EXPH5: variants seen among roughly 807,000 people sequenced by gnomAD.
The protein encoded by EXPH5 is exophilin 5, also known as exophilin-5.
EXPH5 carries 42 observed loss-of-function variants against 41.1 expected under a neutral mutation model. That is an observed-to-expected ratio of 1.02 (90% CI 0.80 to 1.32). The LOEUF is 1.32. EXPH5 is among the 40% of genes most tolerant of loss of function. The pLI, the probability that EXPH5 is intolerant of heterozygous loss-of-function variation, is 0.00. For missense variants in EXPH5, 2,298 were observed against 2,314.5 expected, an observed-to-expected ratio of 0.99 and a Z score of 0.15; for synonymous variants, 798 against 833.5, an observed-to-expected ratio of 0.96 and a Z score of 0.73.
chr11:108,533,360 C>T (rs1257310150), intron 3 of EXPH5, among the ~76,000 whole-genome samples: 2 of 152,086 alleles, frequency 1.3e-5, no homozygotes, highest in Non-Finnish European at 2.9e-5. Context: ...CCTGCCACCA[C>T]ACCTGGCTAA....
intron 4 of EXPH5, among the ~76,000 whole-genome samples, chr11:108,525,011 C>T (rs2093788855): frequency 6.6e-6 from 1 of 152,122 alleles, no homozygotes; most frequent in Non-Finnish European, 1.5e-5. Context: ...GGGGCGGTTT[C>T]CCCCATACTG....
chr11:108,577,297 T>C (rs2094083036), intron 1 of EXPH5, among the ~76,000 whole-genome samples: 1 of 152,222 alleles, frequency 6.6e-6, no homozygotes, highest in African/African-American at 2.4e-5. Context: ...GTTCTATTTG[T>C]AGTTTTTTGA....
chr11:108,552,962 G>C (rs2093974007), intron 1 of EXPH5, among the ~76,000 whole-genome samples: 1 of 152,080 alleles, frequency 6.6e-6, no homozygotes, highest in Non-Finnish European at 1.5e-5. Context: ...TTGGGAGACC[G>C]AGGTGGGTGG....
At chr11:108,560,762 C>T (rs777625605) in intron 1 of EXPH5, among the ~76,000 whole-genome samples, 17 of 152,106 alleles carry the variant, frequency 1.1e-4, no homozygotes, top group South Asian at 1.0e-3. Context: ...GCAGTACAAA[C>T]GCAAGTGTCT....
chr11:108,551,667 C>A (rs907109995), intron 1 of EXPH5, among the ~76,000 whole-genome samples: 7 of 152,146 alleles, frequency 4.6e-5, no homozygotes, highest in African/African-American at 1.4e-4. Flanking sequence ...TCTCTGTCAA[C>A]CCTCCACTCC....
rs763793971 is a variant in EXPH5, at chr11:108,512,783, C to T, written c.2724G>A (p.Arg908=). 2.5e-6 allele frequency: 4 copies of T among 1,613,978 alleles called. No homozygotes were observed. The highest frequency in any genetic ancestry group is 3.4e-6 in the Non-Finnish European group (4 of 1,179,966). The change falls in exon 6 of 6, where the codon AGG becomes AGA. Residue 908 remains arginine (R), a synonymous_variant. Transcript: ENST00000265843. ...ATGGATCTTTGTCTGAAGGACTTCTCCTGGAGAACACTGTAGTAGATGGAA... is the reference window on the plus strand; with the variant it reads ...ATGGATCTTTGTCTGAAGGACTTCTTCTGGAGAACACTGTAGTAGATGGAA... ...PVVPSTTVFS[R]RSPSDKDPSL... is the part of the protein sequence containing the mutation.
intron 1 of EXPH5, among the ~76,000 whole-genome samples, chr11:108,576,007 C>G (rs2094078607): frequency 6.6e-6 from 1 of 152,044 alleles, no homozygotes; most frequent in African/African-American, 2.4e-5. Flanking sequence ...ATGGGGGTAA[C>G]AGTTTGACAA....
intron 1 of EXPH5, among the ~76,000 whole-genome samples, chr11:108,576,964 A>G (rs1214992109): frequency 1.3e-5 from 2 of 152,188 alleles, no homozygotes; most frequent in Admixed American, 1.3e-4. Flanking sequence ...GCTCCCATAT[A>G]TGAGTGAGAA....
Position 108,511,185 on chromosome 11 carries a change from C to A in EXPH5, c.4322G>T (p.Arg1441Ile). ...CCCTGTACACTCCCAAGAACTTCTT[C>A]TAGTTTGGGAATTTCCAATATTAAC... ...SEVNIGNSQT[R>I]RSSWECTGSG... The change falls in exon 6 of 6, where the codon AGA becomes ATA. Residue 1441 changes from arginine to isoleucine, a missense_variant. Arg to Ile is a moderately conservative substitution (Grantham distance 97, BLOSUM62 -3). Transcript: ENST00000265843. 1 of 1,612,932 alleles carries A rather than the reference C, an allele frequency of 6.2e-7. No homozygotes were observed. The highest frequency in any genetic ancestry group is 8.5e-7 in the Non-Finnish European group (1 of 1,179,732).
upstream of EXPH5, among the ~76,000 whole-genome samples, chr11:108,595,140 A>C (rs2094136929): frequency 6.6e-6 from 1 of 152,262 alleles, no homozygotes; most frequent in African/African-American, 2.4e-5. Flanking sequence ...ATATCAGTGA[A>C]CTGATTTCAA....
At chr11:108,526,461 T>C (rs1182846367) in intron 4 of EXPH5, among the ~76,000 whole-genome samples, 1 of 152,224 alleles carries the variant, frequency 6.6e-6, no homozygotes, top group Non-Finnish European at 1.5e-5. Context: ...TCTTTTTACA[T>C]TCCTTTTCTG....
chr11:108,554,221 G>A lies in EXPH5; in HGVS notation c.120-12409C>T, dbSNP rs147308640. ...TGGGATTACAGGCATGTGCCACCAC[G>A]CCCAGCTAATTTTTGTAGAGATGGT... is the stretch of plus-strand genomic sequence containing the variant. On this transcript the variant is annotated intron_variant, in intron 1 of 5. Transcript: ENST00000265843. 3.3e-3 allele frequency among the ~76,000 whole-genome samples: 508 copies of A among 152,086 alleles called. 4 individuals are homozygous for A. Among genetic ancestry groups the A allele is most frequent in the African/African-American group, 0.01 (415 of 41,500 alleles).
Position 108,512,043 on chromosome 11 carries a change from C to T in EXPH5, c.3464G>A (p.Arg1155Lys). 1 of 1,599,756 alleles carries T rather than the reference C, an allele frequency of 6.3e-7. No individual in the cohort carries two copies. Among genetic ancestry groups the T allele is most frequent in the Non-Finnish European group, 8.5e-7 (1 of 1,175,216 alleles). ...SGMDASELTP[R>K]AWERIISPVE... ...AGGGCTAATGATTCTCTCCCAAGCC[C>T]TTGGTGTTAGCTCAGAAGCATCCAT... The change falls in exon 6 of 6, where the codon AGG (arginine) becomes AAG (lysine). Residue 1155 changes from arginine (R) to lysine (K), a missense_variant. Arg to Lys is a conservative substitution (Grantham distance 26, BLOSUM62 2). Coordinates refer to ENST00000265843, the MANE Select transcript of EXPH5 (RefSeq NM_015065.3).
the EXPH5 span, among the ~76,000 whole-genome samples, chr11:108,607,371 T>A: frequency 6.6e-6 from 1 of 152,346 alleles, no homozygotes; most frequent in South Asian, 2.1e-4. Flanking sequence ...AAAGAATTCA[T>A]CATAATTTTT....
rs201704838 is a variant in EXPH5 at position 108,513,637 on chromosome 11, C to T, written c.1870G>A (p.Ala624Thr). Residue 624 changes from alanine to threonine, a missense_variant, in exon 6 of 6, where the codon GCA (alanine) becomes ACA (threonine). Ala to Thr is a moderately conservative substitution (Grantham distance 58). Coordinates refer to ENST00000265843, the MANE Select transcript of EXPH5 (RefSeq NM_015065.3). ...GAAAAGGAAGTTTTGAATGAGGATG[C>T]TAGAGTCTGAGCAATTCCAAATGAG... ...ASSFGIAQTL[A>T]SSFKTSFSQI... 1 of 1,612,568 alleles carries T rather than the reference C, an allele frequency of 6.2e-7. No individual in the cohort carries two copies. The highest frequency in any genetic ancestry group is 8.5e-7 in the Non-Finnish European group (1 of 1,179,342).
chr11:108,553,358 A>G (rs1565818636), intron 1 of EXPH5, among the ~76,000 whole-genome samples: 1 of 152,214 alleles, frequency 6.6e-6, no homozygotes, highest in Non-Finnish European at 1.5e-5. Flanking sequence ...GTCTCTCACC[A>G]ATAGTCACCC....
Position 108,555,758 on chromosome 11 carries a change from C to T in EXPH5, c.120-13946G>A, listed in dbSNP as rs188745500. Among the ~76,000 whole-genome samples, 348 of 152,288 alleles carry T rather than the reference C, an allele frequency of 2.3e-3. 1 individual carries two copies. Among genetic ancestry groups the T allele is most frequent in the African/African-American group, 7.7e-3 (321 of 41,558 alleles). ...GTTTTATAAGGGGTTTATCTCACTT[C>T]ACTCGGCACTTCTCTCTCCTGCCGC... is the stretch of plus-strand genomic sequence containing the variant. On this transcript the variant is annotated intron_variant, in intron 1 of 5. Coordinates refer to ENST00000265843, the MANE Select transcript of EXPH5 (RefSeq NM_015065.3).
intron 3 of EXPH5, among the ~76,000 whole-genome samples, chr11:108,531,048 A>T (rs1591699151): frequency 1.3e-5 from 2 of 152,162 alleles, no homozygotes; most frequent in East Asian, 3.8e-4. Flanking sequence ...GGACTTGGTC[A>T]TTTCAAGGGA....
upstream of EXPH5, among the ~76,000 whole-genome samples, chr11:108,598,486 A>T (rs759652024): frequency 2.6e-5 from 4 of 151,926 alleles, no homozygotes; most frequent in African/African-American, 4.8e-5. Flanking sequence ...TACATTAGTA[A>T]ATAAATAAAA....
Sources: gnomAD v4.1 joint callset for allele counts (sites outside exome capture counted in the v4.1 genomes callset) on GRCh38, gnomAD v4.1.1 for gene constraint, MANE v1.5 for transcripts, NCBI Gene and HGNC (gene_info 2026-07-23, HGNC 2026-07-21) for gene names.